PCNT: variants seen among roughly 807,000 people sequenced by gnomAD.
PCNT encodes pericentrin.
Under a neutral mutation model 380.4 loss-of-function variants are expected in PCNT, and 319 were observed. That is an observed-to-expected ratio of 0.84 (90% confidence interval 0.77 to 0.92). The LOEUF is 0.92. PCNT is among the 40% of genes least tolerant of loss of function. PCNT has a pLI of 0.00. For synonymous variants in PCNT, 1,845 were observed against 1,735.2 expected, an observed-to-expected ratio of 1.06 and a Z score of -1.57; for missense variants, 4,400 against 4,255.3, an observed-to-expected ratio of 1.03 and a Z score of -0.95.
At chr21:46,331,324 T>TA (rs2083552762) in intron 2 of PCNT, among the ~76,000 whole-genome samples, 2 of 151,674 alleles carry the variant, frequency 1.3e-5, no homozygotes, top group African/African-American at 2.4e-5. Flanking sequence ...GCCCAGCTGA[T>TA]ATAAGACATA....
chr21:46,366,885 T>C lies in PCNT; in HGVS notation c.2911T>C (p.Leu971=), dbSNP rs750295430. 1 of 1,614,172 alleles carries C rather than the reference T, an allele frequency of 6.2e-7. No individual in the cohort carries two copies. The highest frequency in any genetic ancestry group is 2.2e-5 in the East Asian group (1 of 44,874). ...CAGACATCTGTCCAGCCTTGATTCT[T>C]TGGAATCCTGTTACCTCTCTGAATT... ...ETRHLSSLDS[L]ESCYLSEFQT... is the part of the protein sequence containing the mutation. Residue 971 remains leucine, a synonymous_variant, in exon 15 of 47, where the codon TTG becomes CTG. Transcript: ENST00000359568.
chr21:46,374,189 C>A (rs751482447), intron 15 of PCNT, among the ~76,000 whole-genome samples: 3 of 152,104 alleles, frequency 2.0e-5, no homozygotes, highest in African/African-American at 7.2e-5. Flanking sequence ...CCCCCGGTCC[C>A]GCTGGTTAGT....
rs753027643 is a variant in PCNT, at chr21:46,438,187, G to A, written c.9123G>A (p.Gln3041=). 3.2e-5 allele frequency: 52 copies of A among 1,614,016 alleles called. No individual in the cohort carries two copies. The South Asian group carries it at 5.5e-4, about 17-fold the overall frequency. ...AGAAAAAAATGGCAGCAGAGCTGCA[G>A]TTCCAGTTTGTGGACGTCCTGCTGA... is the stretch of plus-strand genomic sequence containing the variant. ...SSQKKMAAEL[Q]FQFVDVLLKD... Residue 3041 remains glutamine, a synonymous_variant, in exon 41 of 47, where the codon CAG becomes CAA. Coordinates refer to ENST00000359568, the MANE Select transcript of PCNT (RefSeq NM_006031.6).
intron 3 of PCNT, among the ~76,000 whole-genome samples, chr21:46,338,170 G>A (rs1054808489): frequency 2.6e-5 from 4 of 152,034 alleles, no homozygotes; most frequent in East Asian, 1.9e-4. Flanking sequence ...GAGCCACCTC[G>A]CCCACCCTAA....
At chr21:46,421,490 A>G (rs911186255) in intron 31 of PCNT, among the ~76,000 whole-genome samples, 4 of 152,016 alleles carry the variant, frequency 2.6e-5, no homozygotes, top group Non-Finnish European at 5.9e-5. Flanking sequence ...CCCCATGCCC[A>G]CCTGACACAG....
intron 11 of PCNT, 96 bp downstream of exon 11, chr21:46,354,164 CCA>C: frequency 8.9e-7 from 1 of 1,118,302 alleles, no homozygotes; most frequent in Non-Finnish European, 1.3e-6. Flanking sequence ...TCCGTCCTTC[CCA>C]CCTTGTCCAG....
chr21:46,412,397 C>G (rs958596048), intron 28 of PCNT, among the ~76,000 whole-genome samples: 2 of 152,222 alleles, frequency 1.3e-5, no homozygotes, highest in African/African-American at 2.4e-5. Context: ...AGCTGCTTCT[C>G]TGGTTTCTAA....
rs747661944 is a variant in PCNT, at chr21:46,353,974, G to A, written c.1680-13G>A. On this transcript the variant is annotated splice_polypyrimidine_tract_variant and intron_variant, in intron 10 of 46. Coordinates refer to ENST00000359568, the MANE Select transcript of PCNT (RefSeq NM_006031.6). ...TACGTGTGTAAAGCTTTTATAAAAT[G>A]TTTTCCCTTCAGGTTGTCCTGTGTG... is the stretch of plus-strand genomic sequence containing the variant. 1 of 1,610,504 alleles carries A rather than the reference G, an allele frequency of 6.2e-7. No homozygotes were observed. Among genetic ancestry groups the A allele is most frequent in the Non-Finnish European group, 8.5e-7 (1 of 1,176,776 alleles).
At chr21:46,326,355 A>G (rs1290988087) in intron 1 of PCNT, 22 bp from the exon 2 acceptor site, 2 of 1,611,030 alleles carry the variant, frequency 1.2e-6, no homozygotes, top group African/African-American at 2.7e-5. Flanking sequence ...TGCCTTTACT[A>G]CTTATCTACA....
At chr21:46,347,023 G>T (rs1485253993) in intron 5 of PCNT, 25 bp downstream of exon 5, 1 of 1,584,582 alleles carries the variant, frequency 6.3e-7, no homozygotes, top group Non-Finnish European at 8.6e-7. Flanking sequence ...GGCGGGCACG[G>T]GCAGCGTGTG....
At chr21:46,352,142 G>A (rs1015077400) in intron 9 of PCNT, among the ~76,000 whole-genome samples, 3 of 152,276 alleles carry the variant, frequency 2.0e-5, no homozygotes, top group Admixed American at 2.0e-4. Flanking sequence ...CCACAGGACA[G>A]GAGGGTGAGC....
At chr21:46,418,137 C>A in intron 30 of PCNT, 67 bp from the exon 31 acceptor site, 2 of 1,006,502 alleles carry the variant, frequency 2.0e-6, no homozygotes, top group South Asian at 1.3e-5. Flanking sequence ...AAAGTTTTCA[C>A]CTGGCAAAGT....
In PCNT at chr21:46,398,799, C is replaced by A. The variant is rs928921530; in HGVS notation, c.4584+544C>A. 5.3e-5 allele frequency among the ~76,000 whole-genome samples: 8 copies of A among 151,032 alleles called. No individual in the cohort carries two copies. The Admixed American group carries it at 5.3e-4, about 10-fold the overall frequency. ...GTTCTTTATGTTGCTGAGAAGTATT[C>A]CATTCTTTTTTTTTCTTTTTCTTTT... is the stretch of plus-strand genomic sequence containing the variant. On this transcript the variant is annotated intron_variant, in intron 24 of 46. Coordinates refer to ENST00000359568, the MANE Select transcript of PCNT (RefSeq NM_006031.6).
chr21:46,397,835 A>G (rs1178250279), intron 22 of PCNT, among the ~76,000 whole-genome samples, 179 bp from the exon 23 acceptor site: 2 of 152,190 alleles, frequency 1.3e-5, no homozygotes, highest in African/African-American at 4.8e-5. Flanking sequence ...TTCCATGCAG[A>G]GAGCTGTTTT....
At chr21:46,432,457 GCTT>G (rs968349633) in intron 38 of PCNT, among the ~76,000 whole-genome samples, 1 of 152,226 alleles carries the variant, frequency 6.6e-6, no homozygotes, top group Admixed American at 6.5e-5. Context: ...GCTCTGTGGG[GCTT>G]CTTGCTATTC....
In PCNT at chr21:46,411,811, G is replaced by A. The variant is rs1184251157; in HGVS notation, c.5738G>A (p.Gly1913Glu). Residue 1913 changes from glycine (G) to glutamate (E), a missense_variant, in exon 28 of 47, where the codon GGG becomes GAG. Transcript: ENST00000359568. ...RALEQQPLAAGAAPPELQWLR... is the reference protein window; with the variant it reads ...RALEQQPLAAEAAPPELQWLR... ...CTGGAGCAGCAGCCCCTGGCAGCCG[G>A]GGCGGCGCCTCCCGAGCTGCAGTGG... The A allele has an allele frequency of 6.3e-7, 1 of 1,585,132 alleles. No homozygotes were observed. The highest frequency in any genetic ancestry group is 8.5e-7 in the Non-Finnish European group (1 of 1,170,080).
At chr21:46,365,079 G>A (rs1012321131) in intron 14 of PCNT, among the ~76,000 whole-genome samples, 8 of 152,166 alleles carry the variant, frequency 5.3e-5, no homozygotes, top group Admixed American at 2.6e-4. Context: ...CCTGAGTGCC[G>A]CCTGCACCTC....
At chr21:46,391,552 A>C (rs567006424) in intron 21 of PCNT, among the ~76,000 whole-genome samples, 176 bp downstream of exon 21, 41 of 152,348 alleles carry the variant, frequency 2.7e-4, no homozygotes, top group Admixed American at 2.3e-3. Context: ...TGAGGCATCC[A>C]CTGGCTTTGC....
rs766666803 is a variant in PCNT, at chr21:46,440,872, G to A, written c.9411G>A (p.Leu3137=). 6.2e-6 allele frequency: 10 copies of A among 1,607,704 alleles called. No homozygotes were observed. Among genetic ancestry groups the A allele is most frequent in the Non-Finnish European group, 7.7e-6 (9 of 1,174,290 alleles). ...TCTTTTAGATGGAAAAATTGTACCT[G>A]CATTACTTGAGAGCAGAGAGCTTTA... is the stretch of plus-strand genomic sequence containing the variant. ...TSNVKMEKLY[L]HYLRAESFRK... The change falls in exon 43 of 47, where the codon CTG becomes CTA. Residue 3137 remains leucine (L), a synonymous_variant. Coordinates refer to ENST00000359568, the MANE Select transcript of PCNT (RefSeq NM_006031.6).
Sources: allele counts gnomAD v4.1 joint callset (sites outside exome capture counted in the v4.1 genomes callset), GRCh38; gene constraint gnomAD v4.1.1; transcripts MANE v1.5; gene names NCBI Gene and HGNC (gene_info 2026-07-23, HGNC 2026-07-21).